The following OTOA variants were observed in gnomAD, a reference collection of about 807,000 sequenced individuals.
The protein encoded by OTOA is cancer/testis antigen 108.
Under a neutral mutation model 110.8 loss-of-function variants are expected in OTOA, and 70 were observed. The observed-to-expected ratio is 0.63, with a 90% CI of 0.52 to 0.77. The LOEUF (loss-of-function observed/expected upper bound fraction) is 0.77, where lower values mean the gene tolerates loss of function less well. Among genes scored for constraint, OTOA ranks in the 30% least tolerant of loss-of-function variants. The probability of loss-of-function intolerance (pLI) is 0.00; values close to 1 mark genes in which losing one functional copy is unlikely to be tolerated. For synonymous variants in OTOA, 373 were observed against 431.5 expected, an observed-to-expected ratio of 0.86 and a Z score of 1.68; for missense variants, 917 against 1,075.8, an observed-to-expected ratio of 0.85 and a Z score of 2.06.
In OTOA at chr16:21,726,611, G is replaced by T; in HGVS notation, c.1969G>T (p.Asp657Tyr). Residue 657 changes from aspartate (D) to tyrosine (Y), a missense_variant, in exon 19 of 29, where the codon GAT becomes TAT. Asp to Tyr is a radical substitution (Grantham distance 160). Coordinates refer to ENST00000646100, the MANE Select transcript of OTOA (RefSeq NM_144672.4). ...GAGCTGGTTGGACTCCTTGGTTTTA[G>T]ATTCCCACAAAAAGACTTCAGTCCT... ...GKSWLDSLVL[D>Y]SHKKTSVLRK... The T allele has an allele frequency of 6.2e-7, 1 of 1,614,040 alleles. No individual in the cohort carries two copies. Among genetic ancestry groups the T allele is most frequent in the Non-Finnish European group, 8.5e-7 (1 of 1,180,000 alleles).
chr16:21,689,768 C>T (rs1026002557), intron 8 of OTOA, among the ~76,000 whole-genome samples: 14 of 152,020 alleles, frequency 9.2e-5, no homozygotes, highest in African/African-American at 3.4e-4. Flanking sequence ...TCACTGCAAC[C>T]TCCACCTCCC....
At chr16:21,759,166 C>A (rs1188187269) in intron 28 of OTOA, among the ~76,000 whole-genome samples, 1 of 152,054 alleles carries the variant, frequency 6.6e-6, no homozygotes, top group Non-Finnish European at 1.5e-5. Flanking sequence ...GTGGTGAAAT[C>A]TTTTCCTCCA....
chr16:21,672,137 G>A (rs188962261), intron 1 of OTOA, among the ~76,000 whole-genome samples: 6 of 152,052 alleles, frequency 3.9e-5, no homozygotes, highest in Non-Finnish European at 5.9e-5. Context: ...AGATAACTTA[G>A]AGTTTCACAG....
chr16:21,704,982 C>A, intron 11 of OTOA, 187 bp from the exon 12 acceptor site: 1 of 920,020 alleles, frequency 1.1e-6, no homozygotes, highest in Non-Finnish European at 1.8e-6. Context: ...TTGGTCTCGT[C>A]TGAGCAGTTA....
At chr16:21,680,086 G>A (rs1374519127) in intron 5 of OTOA, among the ~76,000 whole-genome samples, 2 of 152,270 alleles carry the variant, frequency 1.3e-5, no homozygotes, top group African/African-American at 2.4e-5. Flanking sequence ...TTATGTTAAA[G>A]TGAAAGACTC....
At chr16:21,678,478 C>A in intron 1 of OTOA, 33 bp from the exon 2 acceptor site, 4 of 1,418,614 alleles carry the variant, frequency 2.8e-6, no homozygotes, top group Non-Finnish European at 4.0e-6. Context: ...ATTAAAAAAA[C>A]ATGAATCACT....
intron 10 of OTOA, 30 bp downstream of exon 10, chr16:21,697,905 C>T (rs1386767442): frequency 6.5e-7 from 1 of 1,542,096 alleles, no homozygotes. Context: ...TTATATGTCA[C>T]CATTACTAAT....
At chr16:21,695,866 G>GATATATATATATATATATATATAT (rs71151648) in intron 9 of OTOA, among the ~76,000 whole-genome samples, 2 of 72,728 alleles carry the variant, frequency 2.7e-5, no homozygotes, top group South Asian at 6.1e-4. Context: ...CTAGACTTGA[G>GATATATATATATATATATATATAT]ATATATATAT....
intron 9 of OTOA, among the ~76,000 whole-genome samples, chr16:21,695,892 T>TATATATATATATATA (rs377002847): frequency 1.0e-3 from 22 of 21,042 alleles, no homozygotes; most frequent in Non-Finnish European, 1.7e-3. Flanking sequence ...TATATATATA[T>TATATATATATATATA]TTTTTTTTTT....
intron 1 of OTOA, among the ~76,000 whole-genome samples, chr16:21,665,284 G>T (rs114830276): frequency 0.011 from 1,613 of 152,284 alleles, 29 homozygotes; most frequent in African/African-American, 0.037. Flanking sequence ...GGCTGTGCAT[G>T]CATAGCTGTG....
intron 1 of OTOA, among the ~76,000 whole-genome samples, chr16:21,672,429 C>T (rs773899434): frequency 1.3e-5 from 2 of 152,040 alleles, no homozygotes; most frequent in Admixed American, 6.5e-5. Context: ...TCCAGACCAG[C>T]CTGACCAACA....
chr16:21,686,826 G>A (rs2141660395), intron 7 of OTOA, among the ~76,000 whole-genome samples: 1 of 152,258 alleles, frequency 6.6e-6, no homozygotes, highest in East Asian at 1.9e-4. Context: ...CCAGGAGGTT[G>A]AGGCTGCAGT....
At chr16:21,677,684 G>A (rs1368436313) in intron 1 of OTOA, among the ~76,000 whole-genome samples, 5 of 151,574 alleles carry the variant, frequency 3.3e-5, no homozygotes, top group East Asian at 1.9e-4. Flanking sequence ...GGGTTTCACC[G>A]TGTTAGCCAG....
chr16:21,691,623 T>C lies in OTOA; in HGVS notation c.675T>C (p.Ala225=), dbSNP rs1419846572. ...VFKDLYDKTS[A]HSQRALYSWM... ...AAGATCTCTACGACAAAACCTCGGC[T>C]CATTCCCAGAGAGCTCTCTATTCCT... The change falls in exon 9 of 29, where the codon GCT becomes GCC. Residue 225 remains alanine (A), a synonymous_variant. Transcript: ENST00000646100. 6.2e-7 allele frequency: 1 copy of C among 1,613,996 alleles called. No individual in the cohort carries two copies. Among genetic ancestry groups the C allele is most frequent in the Admixed American group, 1.7e-5 (1 of 59,990 alleles).
intron 22 of OTOA, 39 bp downstream of exon 22, chr16:21,736,429 G>A (rs542103679): frequency 3.6e-5 from 58 of 1,613,500 alleles, no homozygotes; most frequent in Non-Finnish European, 4.8e-5. Context: ...TGCTGACATA[G>A]TAATTAATGT....
Position 21,760,533 on chromosome 16 carries a change from T to A in OTOA, c.3413T>A (p.Leu1138Gln). Reference protein sequence around the residue: ...CPLLVLMAKLLW With the variant: ...CPLLVLMAKLQW ...CTGCTGGTTCTAATGGCCAAGCTCCTGTGGTGAGTGGCCTGAGCGCATCGT... is the reference window on the plus strand; with the variant it reads ...CTGCTGGTTCTAATGGCCAAGCTCCAGTGGTGAGTGGCCTGAGCGCATCGT... The change falls in exon 29 of 29, where the codon CTG becomes CAG. Residue 1138 changes from leucine (L) to glutamine (Q), a missense_variant. Leu to Gln is a moderately radical substitution (Grantham distance 113). Around this residue, in one of 6 missense-constraint regions of OTOA, gnomAD observed 11 missense variants for 23.8 expected, o/e 0.46. Coordinates refer to ENST00000646100, the MANE Select transcript of OTOA (RefSeq NM_144672.4). The A allele has an allele frequency of 1.9e-6, 3 of 1,605,638 alleles. No homozygotes were observed. The highest frequency in any genetic ancestry group is 2.5e-6 in the Non-Finnish European group (3 of 1,176,494).
Position 21,697,884 on chromosome 16 carries a change from G to T in OTOA, c.840+9G>T. 6.2e-7 allele frequency: 1 copy of T among 1,603,584 alleles called. No individual in the cohort carries two copies. The highest frequency in any genetic ancestry group is 8.5e-7 in the Non-Finnish European group (1 of 1,170,576). On this transcript the variant is annotated intron_variant, in intron 10 of 28. Transcript: ENST00000646100. ...AAATTAGTCCTATAGAAGTAAGTTG[G>T]AAAAGTACATTTATATGTCACCATT...
intron 11 of OTOA, among the ~76,000 whole-genome samples, chr16:21,703,511 AT>A (rs893926463): frequency 5.1e-4 from 77 of 152,206 alleles, no homozygotes; most frequent in African/African-American, 1.6e-3. Flanking sequence ...TAAAAAAAAA[AT>A]CCATTCATCC....
chr16:21,711,675 G>T (rs1199273964), intron 13 of OTOA, among the ~76,000 whole-genome samples: 3 of 152,034 alleles, frequency 2.0e-5, no homozygotes, highest in Non-Finnish European at 4.4e-5. Context: ...CGCCATGTTG[G>T]CCAGGCTGGT....
Sources: gnomAD v4.1 joint callset for allele counts (sites outside exome capture counted in the v4.1 genomes callset) on GRCh38, gnomAD v4.1.1 for gene constraint, gnomAD v4.1.1 regional missense constraint, MANE v1.5 for transcripts, NCBI Gene and HGNC (gene_info 2026-07-23, HGNC 2026-07-21) for gene names.